PTPRG: variants seen among roughly 807,000 people sequenced by gnomAD.
PTPRG encodes the protein receptor-type tyrosine-protein phosphatase gamma.
In PTPRG, 102 loss-of-function variants were observed where a neutral mutation model predicts 165.3. That is an observed-to-expected ratio of 0.62 (90% CI 0.53 to 0.73). The LOEUF (loss-of-function observed/expected upper bound fraction) is 0.73, where lower values mean the gene tolerates loss of function less well. Among genes scored for constraint, PTPRG ranks in the 30% least tolerant of loss-of-function variants. The pLI is 0.00. For synonymous variants in PTPRG, 675 were observed against 669.5 expected (o/e 1.01, Z -0.13); for missense variants, 1,866 against 1,861.4 (o/e 1.00, Z -0.05).
intron 5 of PTPRG, among the ~76,000 whole-genome samples, chr3:62,083,371 G>T (rs985196861): frequency 6.6e-6 from 1 of 152,020 alleles, no homozygotes; most frequent in African/African-American, 2.4e-5. Flanking sequence ...TAAGAGCTGG[G>T]ATTACAGGCA....
intron 1 of PTPRG, among the ~76,000 whole-genome samples, chr3:61,602,042 C>T (rs1301561583): frequency 6.6e-6 from 1 of 152,184 alleles, no homozygotes; most frequent in African/African-American, 2.4e-5. Context: ...TGGTGGAATT[C>T]CCAGCCTGTG....
At chr3:62,092,711 C>T (rs1356191299) in intron 5 of PTPRG, among the ~76,000 whole-genome samples, 4 of 152,082 alleles carry the variant, frequency 2.6e-5, no homozygotes, top group Non-Finnish European at 4.4e-5. Context: ...CTTGGAGGGT[C>T]ATTTTGAGGT....
intron 5 of PTPRG, among the ~76,000 whole-genome samples, chr3:62,106,232 G>C (rs1270676093): frequency 2.6e-5 from 4 of 152,140 alleles, no homozygotes; most frequent in African/African-American, 9.7e-5. Context: ...GAGAAGGTTG[G>C]GGAGGGCATC....
chr3:61,711,586 C>A (rs1312321289), intron 1 of PTPRG, among the ~76,000 whole-genome samples: 1 of 152,138 alleles, frequency 6.6e-6, no homozygotes, highest in Non-Finnish European at 1.5e-5. Flanking sequence ...AGTGTCTGTT[C>A]ATATCCTTCG....
At chr3:61,714,991 G>C (rs2031741634) in intron 1 of PTPRG, among the ~76,000 whole-genome samples, 1 of 152,114 alleles carries the variant, frequency 6.6e-6, no homozygotes, top group African/African-American at 2.4e-5. Context: ...CTCAGTTGAA[G>C]TGTTTTGGAA....
At chr3:61,767,239 TCAAAAAA>T (rs1211976738) in intron 2 of PTPRG, among the ~76,000 whole-genome samples, 5 of 73,100 alleles carry the variant, frequency 6.8e-5, no homozygotes, top group African/African-American at 2.4e-4. Flanking sequence ...AGATTCCATC[TCAAAAAA>T]AAAAAAAAAA....
At chr3:62,014,872 T>C (rs2041503494) in intron 4 of PTPRG, among the ~76,000 whole-genome samples, 1 of 152,240 alleles carries the variant, frequency 6.6e-6, no homozygotes, top group Admixed American at 6.5e-5. Context: ...TCTTATTCTA[T>C]CTAAATTATC....
Position 62,229,168 on chromosome 3 carries a change from T to C in PTPRG, c.2289-2057T>C, listed in dbSNP as rs1700836451. Among the ~76,000 whole-genome samples the C allele has an allele frequency of 6.6e-6, 1 of 152,196 alleles. No homozygotes were observed. Among genetic ancestry groups the C allele is most frequent in the Non-Finnish European group, 1.5e-5 (1 of 68,038 alleles). Reference sequence around the variant, plus strand: ...ACACCCTGGTGTTAAACTATCTTGCTCTGAGATGCTAAAAGAGATGGGGGT... The same window carrying C: ...ACACCCTGGTGTTAAACTATCTTGCCCTGAGATGCTAAAAGAGATGGGGGT... On this transcript the variant is annotated intron_variant, in intron 13 of 29. Transcript: ENST00000474889. The surrounding 1 kb of genome is among the most constrained non-coding windows in gnomAD (Gnocchi z 4.6).
In PTPRG at chr3:62,162,349, G is replaced by T. The variant is rs563148370; in HGVS notation, c.840+5125G>T. ...TACAAATCCCCAAGCAGGGATAAAA[G>T]AAAGAAATGTTTTACACATTCACTT... On this transcript the variant is annotated intron_variant, in intron 7 of 29. Transcript: ENST00000474889. 2.6e-5 allele frequency among the ~76,000 whole-genome samples: 4 copies of T among 151,726 alleles called. No homozygotes were observed. The South Asian group carries it at 6.2e-4, about 24-fold the overall frequency.
intron 2 of PTPRG, among the ~76,000 whole-genome samples, chr3:61,835,579 A>G (rs1489505449): frequency 1.3e-5 from 2 of 151,606 alleles, no homozygotes; most frequent in Non-Finnish European, 2.9e-5. Flanking sequence ...TGATCCAGCC[A>G]CCTCAGCCTC....
chr3:62,048,109 A>G (rs1296246972), intron 4 of PTPRG, among the ~76,000 whole-genome samples: 1 of 152,234 alleles, frequency 6.6e-6, no homozygotes, highest in Non-Finnish European at 1.5e-5. Flanking sequence ...CGTATTTAAT[A>G]GAACATGTTA....
intron 12 of PTPRG, among the ~76,000 whole-genome samples, chr3:62,206,912 C>CAAAAAAAAAAAA (rs556974355): frequency 2.1e-4 from 8 of 37,338 alleles, no homozygotes; most frequent in African/African-American, 5.0e-4. Context: ...GACTCTGTCT[C>CAAAAAAAAAAAA]AAAAAAAAAA....
chr3:62,284,537 T>C (rs1047117691), intron 28 of PTPRG, among the ~76,000 whole-genome samples: 9 of 152,120 alleles, frequency 5.9e-5, no homozygotes, highest in Non-Finnish European at 7.4e-5. Flanking sequence ...CCATTGAAAT[T>C]ATTGAAGAGA....
chr3:62,025,500 C>G (rs538008650), intron 4 of PTPRG, among the ~76,000 whole-genome samples: 1 of 152,140 alleles, frequency 6.6e-6, no homozygotes, highest in Non-Finnish European at 1.5e-5. Context: ...AAATTTTCAT[C>G]TATTTTTTTA....
At chr3:61,624,448 T>A (rs1701550124) in intron 1 of PTPRG, among the ~76,000 whole-genome samples, 1 of 152,136 alleles carries the variant, frequency 6.6e-6, no homozygotes, top group Admixed American at 6.5e-5. Flanking sequence ...CTTTTTGATT[T>A]TTCACATTTT....
intron 1 of PTPRG, among the ~76,000 whole-genome samples, chr3:61,710,609 T>C (rs567850738): frequency 3.9e-4 from 60 of 152,136 alleles, no homozygotes; most frequent in Non-Finnish European, 7.8e-4. Flanking sequence ...TATGAGTTTT[T>C]TTGCATTTTT....
chr3:61,581,618 T>C (rs1407171571), intron 1 of PTPRG, among the ~76,000 whole-genome samples: 7 of 151,182 alleles, frequency 4.6e-5, no homozygotes, highest in African/African-American at 7.3e-5. Context: ...TCTTTTTTTT[T>C]TTTTTTTTTA....
At chr3:62,072,435 A>G (rs548427364) in intron 4 of PTPRG, among the ~76,000 whole-genome samples, 2 of 152,312 alleles carry the variant, frequency 1.3e-5, no homozygotes, top group African/African-American at 4.8e-5. Flanking sequence ...AGGGTTTTGC[A>G]GTCAAGACAT....
intron 1 of PTPRG, among the ~76,000 whole-genome samples, chr3:61,566,092 C>T: frequency 6.6e-6 from 1 of 152,032 alleles, no homozygotes; most frequent in East Asian, 1.9e-4. Flanking sequence ...ACTTAAAACA[C>T]TAATAAAGAT....
Sources: allele counts gnomAD v4.1 joint callset (sites outside exome capture counted in the v4.1 genomes callset), GRCh38; gene constraint gnomAD v4.1.1; non-coding constraint Gnocchi (gnomAD v3.1); transcripts MANE v1.5; gene names NCBI Gene and HGNC (gene_info 2026-07-23, HGNC 2026-07-21).